The following COL6A5 variants were observed in gnomAD, a reference collection of about 807,000 sequenced individuals.
COL6A5 encodes the protein collagen alpha-5(VI) chain.
COL6A5 carries 48 observed loss-of-function variants against 65.6 expected under a neutral mutation model. That is an observed-to-expected ratio of 0.73 (90% CI 0.58 to 0.93). COL6A5 has a LOEUF of 0.93. COL6A5 is among the 40% of genes least tolerant of loss of function. COL6A5 has a pLI of 0.00. For missense variants in COL6A5, 914 were observed against 928.3 expected, an observed-to-expected ratio of 0.98 and a Z score of 0.20; for synonymous variants, 291 against 322.8, an observed-to-expected ratio of 0.90 and a Z score of 1.05.
At chr3:130,362,663 A>G (rs1935185913) in intron 1 of COL6A5, among the ~76,000 whole-genome samples, 1 of 152,278 alleles carries the variant, frequency 6.6e-6, no homozygotes, top group African/African-American at 2.4e-5. Context: ...GTCAATATCA[A>G]AATAACTTGC....
In COL6A5 at chr3:130,389,005, G is replaced by A. The variant is rs1178317633; in HGVS notation, c.2287G>A (p.Val763Ile). ...AGATGTGACCATCTTCTCTGTAGGA[G>A]TATACAATGCCAATAGATCTCAGCT... is the stretch of plus-strand genomic sequence containing the variant. The change falls in exon 6 of 42, where the codon GTA (valine) becomes ATA (isoleucine). Residue 763 changes from valine (V) to isoleucine (I), a missense_variant and NMD_transcript_variant. Physicochemically the swap from Val to Ile is conservative, Grantham distance 29 (BLOSUM62 3). Transcript: ENST00000312481. 5 of 1,546,180 alleles carry A rather than the reference G, an allele frequency of 3.2e-6. No homozygotes were observed. The South Asian group carries it at 3.6e-5, about 11-fold the overall frequency.
At chr3:130,473,509 A>G (rs1239876749) in intron 7 of COL6A5, among the ~76,000 whole-genome samples, 1 of 152,082 alleles carries the variant, frequency 6.6e-6, no homozygotes, top group Non-Finnish European at 1.5e-5. Context: ...AAAGCTAGAC[A>G]CTTAAAATTA....
exon 8 of COL6A5, chr3:130,395,410 T>C: frequency 6.5e-7 from 1 of 1,546,076 alleles, no homozygotes; most frequent in Non-Finnish European, 8.7e-7. Flanking sequence ...AATTAAAGAA[T>C]GTGGATGTGA....
chr3:130,362,308 ATATATATATATATATATATTT>A (rs1168372019), intron 1 of COL6A5, among the ~76,000 whole-genome samples: 64 of 21,082 alleles, frequency 3.0e-3, no homozygotes, highest in South Asian at 6.7e-3. Context: ...ATATATATAT[ATATATATATATATATATATTT>A]TTTTTTTTTT....
At chr3:130,466,109 C>T (rs1244187818) in intron 5 of COL6A5, among the ~76,000 whole-genome samples, 1 of 152,056 alleles carries the variant, frequency 6.6e-6, no homozygotes, top group Non-Finnish European at 1.5e-5. Flanking sequence ...TTGAGCAACA[C>T]TATCAACTAA....
In COL6A5 at chr3:130,440,836, A is replaced by G; in HGVS notation, c.1241+11A>G. ...TATACTCGGTCAGGCGTAAGTTATT[A>G]TTTCATTGTTTGTCTTTTTTTTAAT... On this transcript the variant is annotated intron_variant, in intron 3 of 7. Transcript: ENST00000512836. 1 of 1,592,786 alleles carries G rather than the reference A, an allele frequency of 6.3e-7. No individual in the cohort carries two copies. The highest frequency in any genetic ancestry group is 8.6e-7 in the Non-Finnish European group (1 of 1,165,826).
At position 130,414,144 on chromosome 3, in the gene COL6A5, A is replaced by G; in HGVS notation, c.4761+13A>G. The G allele has an allele frequency of 6.5e-7, 1 of 1,536,214 alleles. No homozygotes were observed. The highest frequency in any genetic ancestry group is 8.8e-7 in the Non-Finnish European group (1 of 1,133,214). On this transcript the variant is annotated intron_variant and NMD_transcript_variant, in intron 22 of 41. Coordinates refer to the COL6A5 transcript ENST00000312481. ...ACAAGGCCCACAGGTGTGTTGGAAT[A>G]TTTTGTAAATATTGATAAATGCTGT...
At chr3:130,418,345 A>G (rs1294733935) in intron 24 of COL6A5, among the ~76,000 whole-genome samples, 1 of 151,932 alleles carries the variant, frequency 6.6e-6, no homozygotes, top group Non-Finnish European at 1.5e-5. Flanking sequence ...GTCCCCTGAC[A>G]TACAACTCAT....
At chr3:130,418,769 C>A in intron 24 of COL6A5, 100 bp from the exon 25 acceptor site, 2 of 902,786 alleles carry the variant, frequency 2.2e-6, no homozygotes, top group Non-Finnish European at 3.6e-6. Context: ...TGACCCCTCA[C>A]TGAGAACCTT....
chr3:130,418,665 G>GCACAC (rs1937430265), intron 24 of COL6A5, among the ~76,000 whole-genome samples: 1 of 152,038 alleles, frequency 6.6e-6, no homozygotes, highest in Non-Finnish European at 1.5e-5. Flanking sequence ...TGGAAAAGCA[G>GCACAC]CACACCAGTC....
chr3:130,481,618 C>T (rs1025305962), intron 7 of COL6A5, among the ~76,000 whole-genome samples: 2 of 152,254 alleles, frequency 1.3e-5, no homozygotes, highest in East Asian at 1.9e-4. Context: ...GAGGAATCGC[C>T]GCACTGTCTT....
At chr3:130,393,143 A>C (rs1264107267) in intron 7 of COL6A5, among the ~76,000 whole-genome samples, 1 of 149,700 alleles carries the variant, frequency 6.7e-6, no homozygotes, top group Non-Finnish European at 1.5e-5. Flanking sequence ...GGCAATTTCC[A>C]AACTCCTGAG....
chr3:130,419,340 G>A (rs1204473397), intron 25 of COL6A5, among the ~76,000 whole-genome samples: 2 of 152,148 alleles, frequency 1.3e-5, no homozygotes, highest in African/African-American at 2.4e-5. Context: ...CCTGCACTCT[G>A]TCCTAATGGC....
At chr3:130,369,257 C>T (rs939295840) in intron 1 of COL6A5, among the ~76,000 whole-genome samples, 1 of 152,300 alleles carries the variant, frequency 6.6e-6, no homozygotes, top group Non-Finnish European at 1.5e-5. Context: ...ATTAAACTTT[C>T]TCTTTCAGAA....
rs549110156 is a variant in COL6A5, at chr3:130,415,372, A to G, written c.4762-273A>G. On this transcript the variant is annotated intron_variant and NMD_transcript_variant, in intron 22 of 41. Transcript: ENST00000312481. ...TGTTTGTGTCTTACTTCCTTTGCTT[A>G]TAGGTTTCATTTCCCGCTTTGGCCT... 2.6e-5 allele frequency among the ~76,000 whole-genome samples: 4 copies of G among 152,144 alleles called. No homozygotes were observed. The East Asian group carries it at 7.8e-4, about 30-fold the overall frequency.
At chr3:130,442,520 G>T (rs1296703387) in intron 3 of COL6A5, among the ~76,000 whole-genome samples, 1 of 152,156 alleles carries the variant, frequency 6.6e-6, no homozygotes, top group Non-Finnish European at 1.5e-5. Flanking sequence ...TTGACTTCCA[G>T]CTGGGAAGTG....
chr3:130,479,439 A>AAAC (rs1710182733), intron 7 of COL6A5, among the ~76,000 whole-genome samples: 6 of 123,428 alleles, frequency 4.9e-5, no homozygotes, highest in Middle Eastern at 8.1e-3. Flanking sequence ...ACAAAAACAA[A>AAAC]CAACAACAAA....
chr3:130,359,946 A>G (rs1935052763), intron 1 of COL6A5, among the ~76,000 whole-genome samples: 1 of 152,140 alleles, frequency 6.6e-6, no homozygotes. Flanking sequence ...TTAATTTTCA[A>G]GAAAAATTCT....
chr3:130,443,191 A>G (rs754710453), intron 3 of COL6A5, among the ~76,000 whole-genome samples: 1 of 152,160 alleles, frequency 6.6e-6, no homozygotes, highest in Non-Finnish European at 1.5e-5. Flanking sequence ...TGTTAGCCTG[A>G]GCATGTGAAA....
Sources: allele counts gnomAD v4.1 joint callset (sites outside exome capture counted in the v4.1 genomes callset), GRCh38; gene constraint gnomAD v4.1.1; transcripts MANE v1.5; gene names NCBI Gene and HGNC (gene_info 2026-07-23, HGNC 2026-07-21).